Variants in ZDHHC7 observed in about 807,000 individuals in gnomAD.
ZDHHC7 encodes zDHHC palmitoyltransferase 7, also known as palmitoyltransferase ZDHHC7.
A neutral mutation model predicts 34.1 loss-of-function variants in ZDHHC7; 12 were observed. The observed-to-expected ratio is 0.35, with a 90% CI of 0.23 to 0.57. The LOEUF (loss-of-function observed/expected upper bound fraction) is 0.57, where lower values mean the gene tolerates loss of function less well. Ranked by LOEUF, ZDHHC7 falls within the 20% of genes least tolerant of loss-of-function variation. The pLI, the probability that ZDHHC7 is intolerant of heterozygous loss-of-function variation, is 0.84. For missense variants in ZDHHC7, 388 were observed against 402.7 expected (o/e 0.96, Z 0.31); for synonymous variants, 185 against 155.4 (o/e 1.19, Z -1.42).
At chr16:84,999,614 A>C (rs910969100) in intron 1 of ZDHHC7, among the ~76,000 whole-genome samples, 1 of 152,212 alleles carries the variant, frequency 6.6e-6, no homozygotes, top group African/African-American at 2.4e-5. Flanking sequence ...CAGACACGGA[A>C]GAATATATAG....
intron 1 of ZDHHC7, among the ~76,000 whole-genome samples, chr16:85,005,470 G>T (rs563030180): frequency 1.3e-5 from 2 of 152,274 alleles, no homozygotes; most frequent in Non-Finnish European, 2.9e-5. Context: ...GGCGTATCAC[G>T]AGCTCATTTT....
intron 5 of ZDHHC7, among the ~76,000 whole-genome samples, chr16:84,978,953 G>T (rs947163927): frequency 6.6e-6 from 1 of 151,738 alleles, no homozygotes; most frequent in African/African-American, 2.4e-5. Context: ...AAACAATAGC[G>T]ATTGAGGACA....
chr16:84,976,037 C>T lies in ZDHHC7; in HGVS notation c.*306G>A, dbSNP rs1377730288. 1 of 343,734 alleles carries T rather than the reference C, an allele frequency of 2.9e-6. No homozygotes were observed. The highest frequency in any genetic ancestry group is 5.3e-6 in the Non-Finnish European group (1 of 189,018). 21.3% of individuals were successfully genotyped at this position (343,734 alleles called of 1,614,324 possible). A position where few individuals can be genotyped will look rare whatever the true frequency, so the allele number is the denominator to read the frequency against. On this transcript the variant is annotated 3_prime_UTR_variant, in exon 8 of 8. Coordinates refer to ENST00000313732, the MANE Select transcript of ZDHHC7 (RefSeq NM_017740.3). ...ATGATTGGAAACAGCAGCTCAGGAC[C>T]CAGGATTTGAATAACCCATGTAATA... is the stretch of plus-strand genomic sequence containing the variant.
chr16:84,982,074 G>A (rs532176315), intron 3 of ZDHHC7, 80 bp from the exon 4 acceptor site: 1 of 1,571,512 alleles, frequency 6.4e-7, no homozygotes, highest in Non-Finnish European at 8.7e-7. Context: ...GGTCACACCT[G>A]TAATCCCAGC....
chr16:85,016,671 T>C, the ZDHHC7 span, among the ~76,000 whole-genome samples: 2 of 151,928 alleles, frequency 1.3e-5, no homozygotes, highest in East Asian at 3.9e-4. Context: ...TCTCACTATA[T>C]TGCCCAGGCT....
At chr16:84,998,544 G>A (rs1021924785) in intron 1 of ZDHHC7, among the ~76,000 whole-genome samples, 12 of 152,012 alleles carry the variant, frequency 7.9e-5, no homozygotes, top group South Asian at 2.1e-4. Context: ...GGTGCCTCCC[G>A]ATAACCCGAG....
chr16:84,996,060 T>A (rs1040199575), intron 1 of ZDHHC7, 53 bp from the exon 2 acceptor site: 1 of 152,276 alleles, frequency 6.6e-6, no homozygotes, highest in African/African-American at 2.4e-5. Context: ...ATGACAGACG[T>A]GTGTCATATT....
chr16:84,976,919 T>G (rs973221401), intron 7 of ZDHHC7, among the ~76,000 whole-genome samples, 176 bp downstream of exon 7: 1 of 152,084 alleles, frequency 6.6e-6, no homozygotes, highest in African/African-American at 2.4e-5. Flanking sequence ...AGACTAGAAA[T>G]ATGCACTGCC....
intron 1 of ZDHHC7, among the ~76,000 whole-genome samples, chr16:85,000,282 C>A (rs368561167): frequency 2.8e-4 from 43 of 152,276 alleles, no homozygotes; most frequent in African/African-American, 1.0e-3. Flanking sequence ...CAAGTCCCAG[C>A]GAGCAGTGGA....
intron 5 of ZDHHC7, 91 bp from the exon 6 acceptor site, chr16:84,978,096 G>T: frequency 9.8e-7 from 1 of 1,023,974 alleles, no homozygotes; most frequent in Non-Finnish European, 1.4e-6. Context: ...GGAATGCAGC[G>T]GCGTAGTCTC....
the ZDHHC7 span, chr16:85,027,604 C>A: frequency 6.6e-6 from 1 of 152,212 alleles, no homozygotes; most frequent in Admixed American, 6.5e-5. Context: ...AGCGCTCCCA[C>A]CGAGCGTGGG....
chr16:84,987,611 G>T (rs1182412438), intron 3 of ZDHHC7, among the ~76,000 whole-genome samples: 2 of 152,176 alleles, frequency 1.3e-5, no homozygotes, highest in African/African-American at 4.8e-5. Flanking sequence ...ATACCCAAGA[G>T]GAATGAAACA....
At chr16:84,997,413 C>T (rs959924225) in intron 1 of ZDHHC7, among the ~76,000 whole-genome samples, 5 of 150,552 alleles carry the variant, frequency 3.3e-5, no homozygotes, top group South Asian at 2.1e-4. Context: ...GGACTACAGG[C>T]GCCCACCACC....
chr16:85,025,230 C>T, the ZDHHC7 span, among the ~76,000 whole-genome samples: 393 of 151,502 alleles, frequency 2.6e-3, 2 homozygotes, highest in African/African-American at 9.5e-3. Flanking sequence ...GAGATTGCGT[C>T]ACTGCACTCC....
At chr16:84,990,194 A>C in intron 3 of ZDHHC7, 110 bp downstream of exon 3, 1 of 1,292,256 alleles carries the variant, frequency 7.7e-7, no homozygotes, top group Admixed American at 2.3e-5. Context: ...TTCTTGTTCC[A>C]CACCCATGTC....
the ZDHHC7 span, among the ~76,000 whole-genome samples, chr16:85,021,029 CAGG>C: frequency 6.6e-6 from 1 of 151,772 alleles, no homozygotes; most frequent in Non-Finnish European, 1.5e-5. Flanking sequence ...CGCTTGAGCC[CAGG>C]AGGTCAAGGC....
upstream of ZDHHC7, among the ~76,000 whole-genome samples, chr16:85,013,891 TTGGCCAGGCTGG>T (rs1258809550): frequency 6.6e-6 from 1 of 152,026 alleles, no homozygotes; most frequent in Non-Finnish European, 1.5e-5. Flanking sequence ...TTTCACTATG[TTGGCCAGGCTGG>T]TCTGCAACTC....
intron 3 of ZDHHC7, chr16:84,988,976 G>A: frequency 8.5e-7 from 1 of 1,173,094 alleles, no homozygotes; most frequent in Non-Finnish European, 1.2e-6. Flanking sequence ...ACAAACAAGG[G>A]GTTTCTGCTG....
At chr16:84,995,457 C>T (rs1255893882) in intron 2 of ZDHHC7, among the ~76,000 whole-genome samples, 1 of 152,192 alleles carries the variant, frequency 6.6e-6, no homozygotes, top group Non-Finnish European at 1.5e-5. Context: ...GAAACCCCGT[C>T]TCTACCAAAA....
Sources: allele counts gnomAD v4.1 joint callset (sites outside exome capture counted in the v4.1 genomes callset), GRCh38; gene constraint gnomAD v4.1.1; transcripts MANE v1.5; gene names NCBI Gene and HGNC (gene_info 2026-07-23, HGNC 2026-07-21).